SEMA3D: variants seen among roughly 807,000 people sequenced by gnomAD.
The protein encoded by SEMA3D is semaphorin-3D.
In SEMA3D, 84 loss-of-function variants were observed where a neutral mutation model predicts 100.1. That is an observed-to-expected ratio of 0.84 (90% CI 0.70 to 1.01). The LOEUF (loss-of-function observed/expected upper bound fraction) is 1.01. Among genes scored for constraint, SEMA3D ranks in the 50% least tolerant of loss-of-function variants. The pLI is 0.00. For missense variants in SEMA3D, 875 were observed against 934.1 expected (o/e 0.94, Z 0.82); for synonymous variants, 312 against 320.7 (o/e 0.97, Z 0.29).
At chr7:85,084,903 G>T (rs985302838) in intron 4 of SEMA3D, among the ~76,000 whole-genome samples, 1 of 152,124 alleles carries the variant, frequency 6.6e-6, no homozygotes, top group Non-Finnish European at 1.5e-5. Flanking sequence ...TTGGCTTTCT[G>T]TTCCTGTGTT....
chr7:85,139,735 T>G (rs959121004), intron 2 of SEMA3D, among the ~76,000 whole-genome samples: 3 of 152,052 alleles, frequency 2.0e-5, no homozygotes, highest in African/African-American at 7.2e-5. Context: ...TAGGATGCCA[T>G]TGATTTCAGA....
At chr7:85,005,594 TTTAAA>T in intron 18 of SEMA3D, among the ~76,000 whole-genome samples, 1 of 152,232 alleles carries the variant, frequency 6.6e-6, no homozygotes, top group African/African-American at 2.4e-5. Context: ...GAGCTATATC[TTTAAA>T]TTAATTTCTT....
the SEMA3D span, among the ~76,000 whole-genome samples, chr7:85,238,422 T>C: frequency 6.6e-6 from 1 of 152,216 alleles, no homozygotes; most frequent in Non-Finnish European, 1.5e-5. Flanking sequence ...TTATTGCATG[T>C]GGATGTCCAG....
chr7:85,227,405 C>T, the SEMA3D span, among the ~76,000 whole-genome samples: 1 of 152,050 alleles, frequency 6.6e-6, no homozygotes, highest in South Asian at 2.1e-4. Context: ...ATAAAGGACA[C>T]CCCAAAGAGC....
At position 85,121,834 on chromosome 7, in the gene SEMA3D, GA is replaced by G. The variant is rs1562826346; in HGVS notation, c.57del (p.Pro20LeufsTer3). ...GTCATGCTTAGCATCATCAAAGCAG[GA>G]AAAAGGTGAAAATCTTGGCTTCTGG... ...LKARSQDFHL[F>X]PALMMLSMTM... On this transcript the variant is annotated frameshift_variant, in exon 3 of 19. Transcript: ENST00000284136. LOFTEE classifies it high-confidence loss of function. 3 of 1,607,622 alleles carry G rather than the reference GA, an allele frequency of 1.9e-6. No individual in the cohort carries two copies. Among genetic ancestry groups the G allele is most frequent in the South Asian group, 1.1e-5 (1 of 89,618 alleles).
At chr7:85,161,342 ATCAC>A (rs1165731964) in intron 1 of SEMA3D, among the ~76,000 whole-genome samples, 1 of 150,530 alleles carries the variant, frequency 6.6e-6, no homozygotes, top group Non-Finnish European at 1.5e-5. Flanking sequence ...ATGTGAATGA[ATCAC>A]TCACATAATT....
intron 4 of SEMA3D, among the ~76,000 whole-genome samples, chr7:85,089,132 C>G (rs534268845): frequency 6.6e-6 from 1 of 152,142 alleles, no homozygotes; most frequent in East Asian, 1.9e-4. Flanking sequence ...AGGTGTGAAT[C>G]TCAGCAGCCC....
intron 2 of SEMA3D, chr7:85,140,572 T>C: frequency 1.0e-6 from 1 of 965,602 alleles, no homozygotes; most frequent in Non-Finnish European, 1.2e-6. Flanking sequence ...ATAGCAGAGT[T>C]TTATCTATAT....
chr7:85,183,224 G>A lies in SEMA3D; in HGVS notation c.-173+3454C>T, dbSNP rs373760331. Among the ~76,000 whole-genome samples, 72 of 152,210 alleles carry A rather than the reference G, an allele frequency of 4.7e-4. No homozygotes were observed. The South Asian group carries it at 0.013, about 28-fold the overall frequency. On this transcript the variant is annotated intron_variant, in intron 1 of 18. Transcript: ENST00000284136. ...GACACAGAGATGCTTGCCAACCCCC[G>A]AAGTTATCTTCAGAGACACCTCTGG...
chr7:85,007,068 C>A, intron 17 of SEMA3D, 127 bp from the exon 18 acceptor site: 1 of 593,870 alleles, frequency 1.7e-6, no homozygotes, highest in Non-Finnish European at 2.7e-6. Context: ...AAAGGAAATT[C>A]ATGTTATAAT....
intron 2 of SEMA3D, among the ~76,000 whole-genome samples, chr7:85,139,631 T>C (rs1203771848): frequency 6.6e-6 from 1 of 152,038 alleles, no homozygotes; most frequent in African/African-American, 2.4e-5. Context: ...TAACATTTAA[T>C]CTAACCTAAG....
chr7:85,150,835 C>A (rs1790359403), intron 2 of SEMA3D, among the ~76,000 whole-genome samples: 1 of 151,892 alleles, frequency 6.6e-6, no homozygotes, highest in African/African-American at 2.4e-5. Flanking sequence ...TGGAAAGGAT[C>A]CAAAGATGAC....
intron 1 of SEMA3D, among the ~76,000 whole-genome samples, chr7:85,154,085 T>C (rs1274280490): frequency 1.3e-5 from 2 of 152,074 alleles, no homozygotes; most frequent in Admixed American, 1.3e-4. Context: ...AGTGGACACA[T>C]AAAATCAACC....
chr7:85,006,737 T>C, intron 18 of SEMA3D, 65 bp downstream of exon 18: 3 of 1,335,802 alleles, frequency 2.2e-6, no homozygotes, highest in Non-Finnish European at 3.0e-6. Flanking sequence ...GAATTAAAAG[T>C]TGAACATCTC....
the SEMA3D span, among the ~76,000 whole-genome samples, chr7:85,207,138 A>G: frequency 6.6e-6 from 1 of 152,100 alleles, no homozygotes; most frequent in Non-Finnish European, 1.5e-5. Flanking sequence ...TTAAAAGCTT[A>G]TAAGATTTTT....
At chr7:85,062,136 A>G (rs540484925) in intron 8 of SEMA3D, among the ~76,000 whole-genome samples, 3 of 152,342 alleles carry the variant, frequency 2.0e-5, no homozygotes, top group African/African-American at 4.8e-5. Flanking sequence ...TCGAGCTTCA[A>G]TCTCACCTCC....
chr7:85,083,715 C>T (rs1463902016), intron 4 of SEMA3D, among the ~76,000 whole-genome samples: 2 of 151,032 alleles, frequency 1.3e-5, no homozygotes, highest in Non-Finnish European at 2.9e-5. Context: ...GGCGTGGTGG[C>T]GGGCGCCTGT....
At chr7:85,221,535 G>A in the SEMA3D span, among the ~76,000 whole-genome samples, 1 of 151,998 alleles carries the variant, frequency 6.6e-6, no homozygotes, top group African/African-American at 2.4e-5. Context: ...TCATTTGGTG[G>A]TCACCAGTGA....
At chr7:85,184,105 G>T (rs1791474814) in intron 1 of SEMA3D, among the ~76,000 whole-genome samples, 1 of 152,072 alleles carries the variant, frequency 6.6e-6, no homozygotes, top group African/African-American at 2.4e-5. Flanking sequence ...TTATCGATTT[G>T]ATGTGGTTCA....
Sources: gnomAD v4.1 joint callset for allele counts (sites outside exome capture counted in the v4.1 genomes callset) on GRCh38, gnomAD v4.1.1 for gene constraint, MANE v1.5 for transcripts, NCBI Gene and HGNC (gene_info 2026-07-23, HGNC 2026-07-21) for gene names.